Variants in TM9SF2 observed in about 807,000 individuals in gnomAD.
The protein encoded by TM9SF2 is transmembrane 9 superfamily member 2.
Under a neutral mutation model 84.9 loss-of-function variants are expected in TM9SF2, and 13 were observed. That is an observed-to-expected ratio of 0.15 (90% CI 0.10 to 0.24). TM9SF2 has a LOEUF of 0.24. TM9SF2 is among the 10% of genes least tolerant of loss of function. The pLI is 1.00. For missense variants in TM9SF2, 562 were observed against 818.5 expected, an observed-to-expected ratio of 0.69 and a Z score of 3.82; for synonymous variants, 273 against 285.8, an observed-to-expected ratio of 0.96 and a Z score of 0.45.
chr13:99,505,937 G>A (rs1270786704), intron 1 of TM9SF2, among the ~76,000 whole-genome samples: 1 of 152,164 alleles, frequency 6.6e-6, no homozygotes, highest in African/African-American at 2.4e-5. Flanking sequence ...CTGTTTGATG[G>A]ATAGATCACG....
At chr13:99,548,561 A>G (rs542104139) in intron 11 of TM9SF2, among the ~76,000 whole-genome samples, 5 of 152,242 alleles carry the variant, frequency 3.3e-5, no homozygotes, top group African/African-American at 9.6e-5. Flanking sequence ...CAGTATTTGA[A>G]TTCTTTAAAC....
rs1594053789 is a variant in TM9SF2, at chr13:99,533,542, G to T, written c.462-3066G>T. On this transcript the variant is annotated intron_variant, in intron 4 of 16. Transcript: ENST00000376387. ...TCCATAATTTCATAATTCACTGCAT[G>T]AATCAATCATAATTTCTCACCCATG... Among the ~76,000 whole-genome samples the T allele has an allele frequency of 2.6e-5, 4 of 152,170 alleles. No individual in the cohort carries two copies. In the East Asian group the frequency reaches 7.7e-4, roughly 29 times the overall value.
chr13:99,518,016 T>A (rs1435769771), intron 2 of TM9SF2, among the ~76,000 whole-genome samples: 1 of 152,212 alleles, frequency 6.6e-6, no homozygotes, highest in African/African-American at 2.4e-5. Flanking sequence ...TACTTTGATG[T>A]CTACCTCCAC....
Position 99,537,769 on chromosome 13 carries a change from A to T in TM9SF2, c.622A>T (p.Ile208Phe), listed in dbSNP as rs1231812882. ...TTTCCATGAAAGAGATACATTTTAC[A>T]TCTTCAACCATGTTGACATCAAAAT... ...SDFHERDTFY[I>F]FNHVDIKIYY... The change falls in exon 6 of 17, where the codon ATC becomes TTC. Residue 208 changes from isoleucine (I) to phenylalanine (F), a missense_variant. By Grantham distance (21) the Ile-to-Phe change is conservative. Around this residue, in one of 4 missense-constraint regions of TM9SF2, gnomAD observed 267 missense variants for 316.7 expected, o/e 0.84. Coordinates refer to ENST00000376387, the MANE Select transcript of TM9SF2 (RefSeq NM_004800.3). 4.3e-6 allele frequency: 7 copies of T among 1,609,276 alleles called. No homozygotes were observed. The highest frequency in any genetic ancestry group is 5.9e-6 in the Non-Finnish European group (7 of 1,179,148).
At position 99,563,003 on chromosome 13, in the gene TM9SF2, T is replaced by A. The variant is rs1384379332; in HGVS notation, c.*245T>A. The A allele has an allele frequency of 2.7e-6, 1 of 366,268 alleles. No individual in the cohort carries two copies. The highest frequency in any genetic ancestry group is 4.9e-6 in the Non-Finnish European group (1 of 204,168). The allele number at this position is 366,268 out of a possible 1,614,324, so 22.7% of individuals were successfully genotyped here. A position where few individuals can be genotyped will look rare whatever the true frequency, so the allele number is the denominator to read the frequency against. ...TGGTTGTTCTCAATGAAGAGCAAAT[T>A]TAAATATTATGTGCATTTGTAAATA... On this transcript the variant is annotated 3_prime_UTR_variant, in exon 17 of 17. Transcript: ENST00000376387.
intron 3 of TM9SF2, among the ~76,000 whole-genome samples, chr13:99,522,880 T>G (rs568576805): frequency 6.4e-4 from 98 of 152,358 alleles, no homozygotes; most frequent in African/African-American, 2.3e-3. Context: ...GGACCCTTTT[T>G]GGGGCCTAGT....
intron 16 of TM9SF2, among the ~76,000 whole-genome samples, chr13:99,561,664 T>C (rs954347353): frequency 6.6e-6 from 1 of 152,250 alleles, no homozygotes; most frequent in Non-Finnish European, 1.5e-5. Flanking sequence ...ATGTCCCATG[T>C]ATAGTCTCTT....
chr13:99,541,570 C>A lies in TM9SF2; in HGVS notation c.920C>A (p.Ser307Tyr). 6.2e-7 allele frequency: 1 copy of A among 1,611,376 alleles called. No individual in the cohort carries two copies. Among genetic ancestry groups the A allele is most frequent in the South Asian group, 1.1e-5 (1 of 90,804 alleles). Residue 307 changes from serine to tyrosine, a missense_variant, in exon 9 of 17, where the codon TCC (serine) becomes TAC (tyrosine). Physicochemically the swap from Ser to Tyr is moderately radical, Grantham distance 144 (BLOSUM62 -2). Transcript: ENST00000376387. Reference protein sequence around the residue: ...THIQWFSIMNSLVIVLFLSGM... With the variant: ...THIQWFSIMNYLVIVLFLSGM... ...GCTTATTTCTACAGCATTATGAATT[C>A]CCTGGTCATTGTTCTCTTCTTATCT...
chr13:99,549,106 G>A, intron 11 of TM9SF2, 59 bp from the exon 12 acceptor site: 1 of 1,453,006 alleles, frequency 6.9e-7, no homozygotes, highest in Non-Finnish European at 9.6e-7. Flanking sequence ...TTGTAATATG[G>A]ATATTTGGTT....
In TM9SF2 at chr13:99,539,514, C is replaced by T. The variant is rs138780550; in HGVS notation, c.785C>T (p.Ser262Phe). 1.5e-5 allele frequency: 24 copies of T among 1,613,632 alleles called. No homozygotes were observed. The highest frequency in any genetic ancestry group is 1.9e-5 in the Non-Finnish European group (23 of 1,179,728). Residue 262 changes from serine (S) to phenylalanine (F), a missense_variant, in exon 7 of 17, where the codon TCT becomes TTT. Ser to Phe is a radical substitution (Grantham distance 155, BLOSUM62 -2). Around this residue, in one of 4 missense-constraint regions of TM9SF2, gnomAD observed 219 missense variants for 338.1 expected, o/e 0.65. Coordinates refer to ENST00000376387, the MANE Select transcript of TM9SF2 (RefSeq NM_004800.3). ...GPPMDISNKA[S>F]GEIKIAYTYS... ...CCCATGGACATAAGTAACAAGGCTT[C>T]TGGGGAGATAAAAATTGCCTATACT...
intron 2 of TM9SF2, among the ~76,000 whole-genome samples, chr13:99,518,062 T>C (rs1271452484): frequency 6.6e-6 from 1 of 152,192 alleles, no homozygotes; most frequent in Non-Finnish European, 1.5e-5. Context: ...ATCTATATAA[T>C]CACATTTATA....
At chr13:99,508,437 A>ACG (rs1266199413) in intron 1 of TM9SF2, among the ~76,000 whole-genome samples, 1 of 151,634 alleles carries the variant, frequency 6.6e-6, no homozygotes, top group Non-Finnish European at 1.5e-5. Context: ...ACACACACAC[A>ACG]CACACACCCC....
At chr13:99,542,424 G>A (rs528770704) in intron 9 of TM9SF2, among the ~76,000 whole-genome samples, 5 of 152,236 alleles carry the variant, frequency 3.3e-5, no homozygotes, top group African/African-American at 1.2e-4. Context: ...TAAAATAATT[G>A]CATGTTCCAG....
chr13:99,549,205 A>T lies in TM9SF2; in HGVS notation c.1311A>T (p.Thr437=). ...AGTGGAAAACAAATGTTTTATTAACATCATTTCTTTGTCCTGGGTAAGTGA... is the reference window on the plus strand; with the variant it reads ...AGTGGAAAACAAATGTTTTATTAACTTCATTTCTTTGTCCTGGGTAAGTGA... ...GEKWKTNVLL[T]SFLCPGIVFA... The change falls in exon 12 of 17, where the codon ACA becomes ACT. Residue 437 remains threonine, a synonymous_variant. Transcript: ENST00000376387. 6.2e-7 allele frequency: 1 copy of T among 1,613,434 alleles called. No individual in the cohort carries two copies. Among genetic ancestry groups the T allele is most frequent in the South Asian group, 1.1e-5 (1 of 91,024 alleles).
At chr13:99,558,076 G>C (rs1057363857) in intron 15 of TM9SF2, among the ~76,000 whole-genome samples, 2 of 152,138 alleles carry the variant, frequency 1.3e-5, no homozygotes, top group African/African-American at 4.8e-5. Flanking sequence ...TGTTGAAGAG[G>C]CTGTTCTTTC....
At position 99,540,807 on chromosome 13, in the gene TM9SF2, G is replaced by C. The variant is rs2046255908; in HGVS notation, c.908+14G>C. The C allele has an allele frequency of 6.2e-7, 1 of 1,609,722 alleles. No homozygotes were observed. Among genetic ancestry groups the C allele is most frequent in the Non-Finnish European group, 8.5e-7 (1 of 1,176,670 alleles). On this transcript the variant is annotated intron_variant, in intron 8 of 16. Coordinates refer to ENST00000376387, the MANE Select transcript of TM9SF2 (RefSeq NM_004800.3). ...TCAGTGGTTTAGGTAAGAGTACAGA[G>C]TTAGCCTGCTTTTGCTTTCTACTTT...
At chr13:99,520,628 G>T (rs919741745) in intron 3 of TM9SF2, among the ~76,000 whole-genome samples, 1 of 152,162 alleles carries the variant, frequency 6.6e-6, no homozygotes, top group African/African-American at 2.4e-5. Context: ...CAGTGTAGTG[G>T]TGAGATCTCA....
At chr13:99,507,045 A>G (rs1046122478) in intron 1 of TM9SF2, among the ~76,000 whole-genome samples, 1 of 152,200 alleles carries the variant, frequency 6.6e-6, no homozygotes, top group Non-Finnish European at 1.5e-5. Context: ...GCCCTTTGCT[A>G]ATAATAATGG....
Position 99,520,211 on chromosome 13 carries a change from T to C in TM9SF2, c.333+82T>C. The C allele has an allele frequency of 4.2e-6, 5 of 1,193,164 alleles. No individual in the cohort carries two copies. In the South Asian group the frequency reaches 7.0e-5, roughly 17 times the overall value. 73.9% of individuals were successfully genotyped at this position (1,193,164 alleles called of 1,614,324 possible). On this transcript the variant is annotated intron_variant, in intron 3 of 16. Transcript: ENST00000376387. ...TAAGAAAAGCCTGAGATAACTCAGCTATCATTGCTAAGGAGGAGTTCATTT... is the reference window on the plus strand; with the variant it reads ...TAAGAAAAGCCTGAGATAACTCAGCCATCATTGCTAAGGAGGAGTTCATTT...
Sources: allele counts gnomAD v4.1 joint callset (sites outside exome capture counted in the v4.1 genomes callset), GRCh38; gene constraint gnomAD v4.1.1; regional missense constraint gnomAD v4.1.1; transcripts MANE v1.5; gene names NCBI Gene and HGNC (gene_info 2026-07-23, HGNC 2026-07-21).